The following RAP1GAP2 variants were observed in gnomAD, a reference collection of about 807,000 sequenced individuals.
RAP1GAP2 encodes the protein RAP1 GTPase activating protein 2.
RAP1GAP2 carries 27 observed loss-of-function variants against 95.0 expected under a neutral mutation model. The ratio of observed to expected loss-of-function variants is 0.28; its 90% CI spans 0.21 to 0.39. RAP1GAP2 has a LOEUF of 0.39. Ranked by LOEUF, RAP1GAP2 falls within the 10% of genes least tolerant of loss-of-function variation. RAP1GAP2 has a pLI of 1.00. For synonymous variants in RAP1GAP2, 373 were observed against 380.9 expected (o/e 0.98, Z 0.24); for missense variants, 771 against 970.0 (o/e 0.79, Z 2.72).
At chr17:2,787,151 A>G (rs930367726) in intron 1 of RAP1GAP2, among the ~76,000 whole-genome samples, 7 of 149,084 alleles carry the variant, frequency 4.7e-5, no homozygotes, top group African/African-American at 1.5e-4. Context: ...GGGTTTTACC[A>G]TGTTGGCCAG....
chr17:2,936,807 T>G (rs1386323543), intron 3 of RAP1GAP2, among the ~76,000 whole-genome samples: 1 of 152,210 alleles, frequency 6.6e-6, no homozygotes, highest in African/African-American at 2.4e-5. Flanking sequence ...AGGAGAGCCA[T>G]TGCCCACTCC....
At chr17:2,800,021 C>T (rs1019960296) in intron 1 of RAP1GAP2, among the ~76,000 whole-genome samples, 23 of 152,154 alleles carry the variant, frequency 1.5e-4, no homozygotes, top group African/African-American at 4.8e-4. Context: ...CTGGTGGCTC[C>T]TTGGGCAGGA....
At chr17:2,843,387 G>T (rs185258307) in intron 2 of RAP1GAP2, among the ~76,000 whole-genome samples, 24 of 151,946 alleles carry the variant, frequency 1.6e-4, no homozygotes, top group Admixed American at 6.6e-5. Flanking sequence ...CTGGGTTCAA[G>T]CTATTTTCCT....
intron 8 of RAP1GAP2, among the ~76,000 whole-genome samples, chr17:2,967,184 C>A (rs1822411): frequency 1.3e-5 from 2 of 151,306 alleles, no homozygotes; most frequent in African/African-American, 4.9e-5. Flanking sequence ...CTGGCTAACA[C>A]GGTGAAACCC....
At chr17:2,801,498 T>G in intron 2 of RAP1GAP2, among the ~76,000 whole-genome samples, 1 of 150,966 alleles carries the variant, frequency 6.6e-6, no homozygotes, top group Non-Finnish European at 1.5e-5. Context: ...GAAAGATAAT[T>G]ACATTTTTTA....
chr17:2,772,422 G>C (rs1367824627), upstream of RAP1GAP2, among the ~76,000 whole-genome samples: 1 of 152,052 alleles, frequency 6.6e-6, no homozygotes, highest in Non-Finnish European at 1.5e-5. Context: ...GAGTAGCTGG[G>C]ACTATAGGCA....
At chr17:2,953,882 G>A (rs1046296336) in intron 3 of RAP1GAP2, among the ~76,000 whole-genome samples, 1 of 152,154 alleles carries the variant, frequency 6.6e-6, no homozygotes, top group African/African-American at 2.4e-5. Context: ...GTACAATTCA[G>A]TGGTTTTTGG....
At chr17:2,944,161 C>CAAAAAAAAA (rs36063732) in intron 3 of RAP1GAP2, among the ~76,000 whole-genome samples, 12 of 81,794 alleles carry the variant, frequency 1.5e-4, no homozygotes, top group Non-Finnish European at 2.5e-4. Context: ...ACAGCAAAAC[C>CAAAAAAAAA]AAAAAAAAAA....
intron 2 of RAP1GAP2, among the ~76,000 whole-genome samples, chr17:2,897,099 G>C (rs1040261195): frequency 6.6e-6 from 1 of 152,212 alleles, no homozygotes; most frequent in African/African-American, 2.4e-5. Flanking sequence ...CGCTTTGGGA[G>C]GCTGAGGCGG....
intron 2 of RAP1GAP2, among the ~76,000 whole-genome samples, chr17:2,828,205 G>A (rs2070666414): frequency 6.6e-6 from 1 of 152,108 alleles, no homozygotes. Flanking sequence ...GCAGGGTGTG[G>A]TGGTGCACGC....
At chr17:2,975,586 C>A (rs1462378670) in intron 8 of RAP1GAP2, among the ~76,000 whole-genome samples, 1 of 152,224 alleles carries the variant, frequency 6.6e-6, no homozygotes, top group Non-Finnish European at 1.5e-5. Flanking sequence ...TGGTGTAACA[C>A]CCGGGCTCTC....
At chr17:2,823,650 A>G (rs1471004290) in intron 2 of RAP1GAP2, among the ~76,000 whole-genome samples, 1 of 152,146 alleles carries the variant, frequency 6.6e-6, no homozygotes, top group East Asian at 1.9e-4. Flanking sequence ...GCTCACACAC[A>G]CATCCAGTCA....
chr17:2,802,676 C>G (rs1339341279), intron 2 of RAP1GAP2, among the ~76,000 whole-genome samples: 1 of 151,998 alleles, frequency 6.6e-6, no homozygotes, highest in Non-Finnish European at 1.5e-5. Flanking sequence ...GCACCACAGC[C>G]TGGGAGACAA....
Position 3,033,352 on chromosome 17 carries a change from G to A in RAP1GAP2, c.*31-40G>A, listed in dbSNP as rs148359085. On this transcript the variant is annotated intron_variant, in intron 24 of 24. Coordinates refer to ENST00000254695, the MANE Select transcript of RAP1GAP2 (RefSeq NM_015085.5). The surrounding 1 kb of genome is among the most constrained non-coding windows in gnomAD (Gnocchi z 4.9). Reference sequence around the variant, plus strand: ...CCGCGTCGTCCCCTCCTTCCTGTACGGAATGTTCGCTCATCGCCGCCTCCT... The same window carrying A: ...CCGCGTCGTCCCCTCCTTCCTGTACAGAATGTTCGCTCATCGCCGCCTCCT... 381 of 153,038 alleles carry A rather than the reference G, an allele frequency of 2.5e-3. 2 individuals carry two copies. Among genetic ancestry groups the A allele is most frequent in the South Asian group, 5.6e-3 (27 of 4,828 alleles). The allele number at this position is 153,038 out of a possible 1,614,324, so 9.5% of individuals were successfully genotyped here.
chr17:3,030,964 G>C lies in RAP1GAP2; in HGVS notation c.2150G>C (p.Arg717Pro), dbSNP rs776146779. ...RNSPRSNLKF[R>P]FDKLSHASSG... ...TCCCCGAGATCGAACCTGAAATTCC[G>C]CTTTGACAAGCTCAGCCATGCCAGC... Residue 717 changes from arginine (R) to proline (P), a missense_variant, in exon 23 of 25, where the codon CGC becomes CCC. Physicochemically the swap from Arg to Pro is moderately radical, Grantham distance 103. Coordinates refer to ENST00000254695, the MANE Select transcript of RAP1GAP2 (RefSeq NM_015085.5). The C allele has an allele frequency of 6.2e-7, 1 of 1,610,478 alleles. No homozygotes were observed. The highest frequency in any genetic ancestry group is 8.5e-7 in the Non-Finnish European group (1 of 1,178,640).
chr17:2,781,050 G>A (rs1250397797), intron 1 of RAP1GAP2, among the ~76,000 whole-genome samples: 1 of 152,206 alleles, frequency 6.6e-6, no homozygotes, highest in East Asian at 1.9e-4. Flanking sequence ...AGTCGCAGGG[G>A]CACCCAAGGC....
rs1390753802 is a variant in RAP1GAP2, at chr17:2,906,025, GT to G, written c.165+658del. ...AGGATGGCCACACAGGCCTGAGCTG[GT>G]CCTCAGAGGAGACTTTTGGCTCAGC... On this transcript the variant is annotated intron_variant, in intron 3 of 24. Coordinates refer to ENST00000254695, the MANE Select transcript of RAP1GAP2 (RefSeq NM_015085.5). The surrounding 1 kb of genome is among the most constrained non-coding windows in gnomAD (Gnocchi z 4.3). 6.6e-6 allele frequency among the ~76,000 whole-genome samples: 1 copy of G among 152,174 alleles called. No individual in the cohort carries two copies. Among genetic ancestry groups the G allele is most frequent in the Non-Finnish European group, 1.5e-5 (1 of 68,028 alleles).
chr17:2,841,868 C>T (rs2071386327), intron 2 of RAP1GAP2, among the ~76,000 whole-genome samples: 1 of 152,186 alleles, frequency 6.6e-6, no homozygotes, highest in Non-Finnish European at 1.5e-5. Flanking sequence ...ACGGCTTTTC[C>T]TCCCTCCCTT....
intron 2 of RAP1GAP2, among the ~76,000 whole-genome samples, chr17:2,858,543 A>G (rs2072242166): frequency 6.6e-6 from 1 of 152,118 alleles, no homozygotes; most frequent in African/African-American, 2.4e-5. Flanking sequence ...CCTCCACAAG[A>G]TTATTTTTTT....
Sources: gnomAD v4.1 joint callset for allele counts (sites outside exome capture counted in the v4.1 genomes callset) on GRCh38, gnomAD v4.1.1 for gene constraint, Gnocchi (gnomAD v3.1) non-coding constraint, MANE v1.5 for transcripts, NCBI Gene and HGNC (gene_info 2026-07-23, HGNC 2026-07-21) for gene names.